The following LAP3 variants were observed in gnomAD, a reference collection of about 807,000 sequenced individuals.
The protein encoded by LAP3 is cytosol aminopeptidase.
In LAP3, 46 loss-of-function variants were observed where a neutral mutation model predicts 58.8. The ratio of observed to expected loss-of-function variants is 0.78; its 90% confidence interval spans 0.62 to 1.00. The LOEUF (loss-of-function observed/expected upper bound fraction) is 1.00, where lower values mean the gene tolerates loss of function less well. Among genes scored for constraint, LAP3 ranks in the 50% least tolerant of loss-of-function variants. LAP3 has a pLI of 0.00. For synonymous variants in LAP3, 257 were observed against 237.7 expected, an observed-to-expected ratio of 1.08 and a Z score of -0.75; for missense variants, 615 against 659.1, an observed-to-expected ratio of 0.93 and a Z score of 0.73.
At chr4:17,580,185 T>TATATATATATATATATATATATATATATG in intron 2 of LAP3, among the ~76,000 whole-genome samples, 1 of 32,074 alleles carries the variant, frequency 3.1e-5, no homozygotes. Context: ...TATATATGTA[T>TATATATATATATATATATATATATATATG]TTTTTTTTTT....
chr4:17,577,626 G>A, intron 1 of LAP3, 59 bp downstream of exon 1: 1 of 1,343,290 alleles, frequency 7.4e-7, no homozygotes. Context: ...GGGCTACTGG[G>A]GCTGCGGGGC....
chr4:17,580,002 T>G (rs1354117526), intron 2 of LAP3, 63 bp downstream of exon 2: 5 of 940,742 alleles, frequency 5.3e-6, no homozygotes, highest in Non-Finnish European at 8.2e-6. Context: ...TATTTTTTCT[T>G]TCTTTTCTTT....
chr4:17,583,989 G>T (rs1253895261), intron 5 of LAP3, among the ~76,000 whole-genome samples: 1 of 152,244 alleles, frequency 6.6e-6, no homozygotes, highest in East Asian at 1.9e-4. Flanking sequence ...GCACCTGCTG[G>T]CCTTGTGCTA....
intron 7 of LAP3, 66 bp from the exon 8 acceptor site, chr4:17,595,344 T>A: frequency 3.2e-6 from 5 of 1,586,414 alleles, no homozygotes; most frequent in Non-Finnish European, 4.3e-6. Flanking sequence ...ATCTGTACTT[T>A]TTAAATAAAG....
intron 10 of LAP3, among the ~76,000 whole-genome samples, chr4:17,601,825 C>G (rs1713987615): frequency 6.6e-6 from 1 of 152,074 alleles, no homozygotes; most frequent in African/African-American, 2.4e-5. Context: ...ACTGATGCAG[C>G]CATCTCCCCC....
chr4:17,595,281 G>T lies in LAP3; in HGVS notation c.864-129G>T, dbSNP rs532478052. 303 of 936,652 alleles carry T rather than the reference G, an allele frequency of 3.2e-4. 3 individuals are homozygous for T. In the African/African-American group the frequency reaches 4.4e-3, roughly 14 times the overall value. 58.0% of individuals were successfully genotyped at this position (936,652 alleles called of 1,614,324 possible). On this transcript the variant is annotated intron_variant, in intron 7 of 12. Coordinates refer to ENST00000226299, the MANE Select transcript of LAP3 (RefSeq NM_015907.3). ...TCTCGATCTCCTGACCTCGTGATCC[G>T]CCCACCTCGGCCTCCCAAAGTGCTG...
chr4:17,584,133 T>C (rs1351200185), intron 5 of LAP3, among the ~76,000 whole-genome samples: 1 of 152,210 alleles, frequency 6.6e-6, no homozygotes, highest in Admixed American at 6.5e-5. Flanking sequence ...GTGGGGGCCC[T>C]GGCACTGGCC....
intron 6 of LAP3, chr4:17,586,232 T>C (rs906973364): frequency 3.3e-5 from 5 of 152,224 alleles, no homozygotes; most frequent in Admixed American, 6.5e-5. Context: ...TTAAAACAAA[T>C]GAACAGGTAT....
chr4:17,583,391 G>C (rs1476836), intron 4 of LAP3, 92 bp from the exon 5 acceptor site: 902,858 of 1,419,072 alleles, frequency 0.64, 290,969 homozygotes, highest in East Asian at 0.9. Flanking sequence ...CCCCAGGGCT[G>C]TTTTCTCAGC....
At position 17,590,032 on chromosome 4, in the gene LAP3, G is replaced by A. The variant is rs575270522; in HGVS notation, c.863+1055G>A. On this transcript the variant is annotated intron_variant, in intron 7 of 12. Coordinates refer to ENST00000226299, the MANE Select transcript of LAP3 (RefSeq NM_015907.3). ...TGGAGTTTGGTATTTCCCATGGGAA[G>A]CATTTGCCACCAAACACAAGTTTCA... Among the ~76,000 whole-genome samples the A allele has an allele frequency of 1.6e-4, 25 of 152,298 alleles. No homozygotes were observed. In the South Asian group the frequency reaches 4.4e-3, roughly 27 times the overall value.
intron 8 of LAP3, 92 bp from the exon 9 acceptor site, chr4:17,596,950 TCTTG>T: frequency 9.4e-7 from 1 of 1,064,436 alleles, no homozygotes; most frequent in East Asian, 2.5e-5. Context: ...GGCCTTTGTG[TCTTG>T]CTTCTCATGG....
chr4:17,581,875 T>C, intron 3 of LAP3, 61 bp downstream of exon 3: 2 of 1,284,556 alleles, frequency 1.6e-6, no homozygotes, highest in Non-Finnish European at 2.3e-6. Context: ...ACACCAAGTA[T>C]TGGGGCTGTC....
At chr4:17,591,603 G>A (rs1218838894) in intron 7 of LAP3, among the ~76,000 whole-genome samples, 1 of 152,206 alleles carries the variant, frequency 6.6e-6, no homozygotes, top group African/African-American at 2.4e-5. Flanking sequence ...TTGCAGGAGT[G>A]TCAGTTTTAG....
chr4:17,582,582 A>G, intron 4 of LAP3, 189 bp downstream of exon 4: 1 of 548,330 alleles, frequency 1.8e-6, no homozygotes, highest in Non-Finnish European at 3.3e-6. Flanking sequence ...AAGGTTAGCT[A>G]ATGGAATTTT....
At chr4:17,596,985 C>T in intron 8 of LAP3, 61 bp from the exon 9 acceptor site, 1 of 1,524,074 alleles carries the variant, frequency 6.6e-7, no homozygotes, top group Non-Finnish European at 9.1e-7. Flanking sequence ...GCCTCTTGTC[C>T]CATAGGTGGC....
intron 6 of LAP3, 71 bp downstream of exon 6, chr4:17,585,207 C>A: frequency 7.7e-7 from 1 of 1,300,412 alleles, no homozygotes; most frequent in Non-Finnish European, 1.1e-6. Flanking sequence ...TAAAATCCAG[C>A]TCCCTCACTT....
intron 2 of LAP3, among the ~76,000 whole-genome samples, chr4:17,580,400 G>A (rs1441991681): frequency 6.6e-6 from 1 of 150,796 alleles, no homozygotes; most frequent in African/African-American, 2.4e-5. Flanking sequence ...GAAAGCCTGT[G>A]TCTTTGGAAT....
chr4:17,605,143 CA>C (rs1266405842), intron 11 of LAP3, among the ~76,000 whole-genome samples: 337 of 152,106 alleles, frequency 2.2e-3, no homozygotes, highest in East Asian at 8.7e-3. Context: ...CACACACACA[CA>C]CACACCCTCA....
At chr4:17,601,963 A>G (rs1030414236) in intron 10 of LAP3, among the ~76,000 whole-genome samples, 16 of 152,220 alleles carry the variant, frequency 1.1e-4, no homozygotes, top group Non-Finnish European at 1.8e-4. Flanking sequence ...AGTTAGTACT[A>G]TCTTCAAGTT....
Sources: gnomAD v4.1 joint callset for allele counts (sites outside exome capture counted in the v4.1 genomes callset) on GRCh38, gnomAD v4.1.1 for gene constraint, MANE v1.5 for transcripts, NCBI Gene and HGNC (gene_info 2026-07-23, HGNC 2026-07-21) for gene names.